Variants in ASTN2 observed in about 807,000 individuals in gnomAD.
ASTN2 encodes astrotactin-2.
Under a neutral mutation model 139.8 loss-of-function variants are expected in ASTN2, and 54 were observed. The observed-to-expected ratio is 0.39, with a 90% confidence interval of 0.31 to 0.48. The LOEUF is 0.48. ASTN2 is among the 20% of genes least tolerant of loss of function. The pLI, the probability that ASTN2 is intolerant of heterozygous loss-of-function variation, is 0.95. For missense variants in ASTN2, 1,565 were observed against 1,725.1 expected, an observed-to-expected ratio of 0.91 and a Z score of 1.64; for synonymous variants, 756 against 719.5, an observed-to-expected ratio of 1.05 and a Z score of -0.81.
At chr9:117,283,750 C>A (rs1834382306) in intron 2 of ASTN2, among the ~76,000 whole-genome samples, 1 of 152,166 alleles carries the variant, frequency 6.6e-6, no homozygotes, top group Admixed American at 6.5e-5. Context: ...CTCTGAAAAG[C>A]ATTTGGGAAT....
intron 1 of ASTN2, among the ~76,000 whole-genome samples, chr9:117,381,665 C>T (rs1481091790): frequency 1.3e-5 from 2 of 152,244 alleles, no homozygotes; most frequent in South Asian, 2.1e-4. Flanking sequence ...CCTGTACAGC[C>T]TGCAGAACCA....
intron 2 of ASTN2, among the ~76,000 whole-genome samples, chr9:117,225,717 C>T (rs1481426926): frequency 6.6e-6 from 1 of 151,154 alleles, no homozygotes; most frequent in East Asian, 2.0e-4. Flanking sequence ...GACCTTGGGA[C>T]ATTCTCTCTG....
intron 10 of ASTN2, among the ~76,000 whole-genome samples, chr9:116,878,936 T>C (rs1270635185): frequency 1.3e-5 from 2 of 151,718 alleles, no homozygotes; most frequent in Non-Finnish European, 2.9e-5. Flanking sequence ...TCAGGTGTGA[T>C]TGCTCAGAAA....
chr9:116,536,117 C>A (rs1215927900), intron 19 of ASTN2, among the ~76,000 whole-genome samples: 2 of 151,898 alleles, frequency 1.3e-5, no homozygotes, highest in Non-Finnish European at 2.9e-5. Flanking sequence ...GATCTTCAAT[C>A]ACTGATACCC....
intron 6 of ASTN2, among the ~76,000 whole-genome samples, chr9:117,010,596 T>C (rs1837495076): frequency 6.6e-6 from 1 of 152,222 alleles, no homozygotes; most frequent in South Asian, 2.1e-4. Context: ...AAAAGTGTGA[T>C]ACCAATTCCC....
In ASTN2 at chr9:117,325,574, T is replaced by G. The variant is rs1466222660; in HGVS notation, c.443-34061A>C. ...CAGCAGACTCCTAAATGATGAAGAG[T>G]GTCTCATCAATTCCCCCATAATTAC... On this transcript the variant is annotated intron_variant, in intron 1 of 22. Transcript: ENST00000313400. Among the ~76,000 whole-genome samples, 3 of 152,012 alleles carry G rather than the reference T, an allele frequency of 2.0e-5. No individual in the cohort carries two copies. The East Asian group carries it at 5.8e-4, about 29-fold the overall frequency.
At chr9:116,587,330 G>T (rs1262578140) in intron 19 of ASTN2, among the ~76,000 whole-genome samples, 2 of 122,950 alleles carry the variant, frequency 1.6e-5, no homozygotes, top group African/African-American at 6.4e-5. Context: ...GACAGAGCAA[G>T]ACCCCATCTC....
At chr9:117,124,345 G>A (rs911758944) in intron 4 of ASTN2, among the ~76,000 whole-genome samples, 2 of 152,052 alleles carry the variant, frequency 1.3e-5, no homozygotes, top group African/African-American at 4.8e-5. Context: ...AAGGCCTTTT[G>A]AGGGTTCAAG....
At chr9:117,131,193 C>G (rs1256450697) in intron 4 of ASTN2, among the ~76,000 whole-genome samples, 1 of 152,146 alleles carries the variant, frequency 6.6e-6, no homozygotes, top group African/African-American at 2.4e-5. Context: ...GAATCCCCTA[C>G]CACACTCAAA....
chr9:117,339,295 A>G (rs1828987919), intron 1 of ASTN2, among the ~76,000 whole-genome samples: 1 of 152,148 alleles, frequency 6.6e-6, no homozygotes, highest in Non-Finnish European at 1.5e-5. Context: ...TAACTCCACG[A>G]GCGCTCTTTC....
chr9:116,473,449 T>G (rs1848880149), intron 20 of ASTN2, among the ~76,000 whole-genome samples: 1 of 152,162 alleles, frequency 6.6e-6, no homozygotes, highest in Admixed American at 6.5e-5. Flanking sequence ...TTACGTCAGA[T>G]GATGGGGGAA....
intron 3 of ASTN2, among the ~76,000 whole-genome samples, chr9:117,143,301 T>C (rs1830117817): frequency 6.6e-6 from 1 of 152,226 alleles, no homozygotes; most frequent in African/African-American, 2.4e-5. Flanking sequence ...ATGGGGTCCC[T>C]TCTTCAAGCC....
intron 2 of ASTN2, among the ~76,000 whole-genome samples, chr9:117,243,542 G>A (rs1257294940): frequency 9.9e-5 from 15 of 152,108 alleles, no homozygotes; most frequent in Non-Finnish European, 2.9e-5. Context: ...TGTACCGGAA[G>A]CCCTGCTAAG....
chr9:116,932,663 G>A (rs1378985745), intron 10 of ASTN2, among the ~76,000 whole-genome samples: 1 of 152,040 alleles, frequency 6.6e-6, no homozygotes, highest in Admixed American at 6.6e-5. Flanking sequence ...AGTTCTGCAT[G>A]GAGCACTCCA....
At chr9:117,060,267 T>C (rs995114005) in intron 5 of ASTN2, among the ~76,000 whole-genome samples, 3 of 145,536 alleles carry the variant, frequency 2.1e-5, no homozygotes. Context: ...GCCAAGATTG[T>C]GCCACTGCAC....
intron 1 of ASTN2, among the ~76,000 whole-genome samples, chr9:117,357,184 C>T (rs1829564060): frequency 6.6e-6 from 1 of 152,116 alleles, no homozygotes; most frequent in Non-Finnish European, 1.5e-5. Flanking sequence ...TTTAATTTTT[C>T]TTAAAACTAC....
At position 116,707,276 on chromosome 9, in the gene ASTN2, C is replaced by T. The variant is rs114644999; in HGVS notation, c.2806+18495G>A. On this transcript the variant is annotated intron_variant, in intron 16 of 22. Transcript: ENST00000313400. ...TCTGCCTATGCCCTATGCCACTATG[C>T]CCCCTGACCAAAAAAAAAAAAAAAA... Among the ~76,000 whole-genome samples, 712 of 136,644 alleles carry T rather than the reference C, an allele frequency of 5.2e-3. 5 individuals carry two copies. Among genetic ancestry groups the T allele is most frequent in the African/African-American group, 0.02 (681 of 34,822 alleles). 89.6% of individuals were successfully genotyped at this position (136,644 alleles called of 152,430 possible).
intron 19 of ASTN2, among the ~76,000 whole-genome samples, chr9:116,537,013 G>C (rs542360444): frequency 6.6e-6 from 1 of 152,348 alleles, no homozygotes; most frequent in Non-Finnish European, 1.5e-5. Flanking sequence ...CCCCTTTTGA[G>C]CTTCCTGGCC....
chr9:117,037,048 T>G (rs1195381452), intron 6 of ASTN2, among the ~76,000 whole-genome samples: 1 of 152,162 alleles, frequency 6.6e-6, no homozygotes, highest in African/African-American at 2.4e-5. Flanking sequence ...CAACTCAGCT[T>G]TAATTCAGGC....
Sources: allele counts gnomAD v4.1 joint callset (sites outside exome capture counted in the v4.1 genomes callset), GRCh38; gene constraint gnomAD v4.1.1; transcripts MANE v1.5; gene names NCBI Gene and HGNC (gene_info 2026-07-23, HGNC 2026-07-21).